GRIA2: variants seen among roughly 807,000 people sequenced by gnomAD.
GRIA2 encodes the protein glutamate receptor 2.
A neutral mutation model predicts 97.3 loss-of-function variants in GRIA2; 14 were observed. The ratio of observed to expected loss-of-function variants is 0.14; its 90% CI spans 0.10 to 0.23. GRIA2 has a LOEUF of 0.23. Among genes scored for constraint, GRIA2 ranks in the 10% least tolerant of loss-of-function variants. GRIA2 has a pLI of 1.00. For synonymous variants in GRIA2, 412 were observed against 387.8 expected, an observed-to-expected ratio of 1.06 and a Z score of -0.73; for missense variants, 558 against 1,069.8, an observed-to-expected ratio of 0.52 and a Z score of 6.67.
intron 2 of GRIA2, among the ~76,000 whole-genome samples, chr4:157,277,890 GTATA>G (rs559433961): frequency 5.3e-5 from 4 of 75,654 alleles, no homozygotes; most frequent in Admixed American, 2.2e-4. Flanking sequence ...ATGTATATAT[GTATA>G]TATATATGTA....
At chr4:157,349,873 C>G (rs544757893) in intron 12 of GRIA2, among the ~76,000 whole-genome samples, 1 of 152,240 alleles carries the variant, frequency 6.6e-6, no homozygotes, top group South Asian at 2.1e-4. Context: ...CCAACTCTCA[C>G]ATTGCAGATA....
At chr4:157,308,309 C>T (rs918221700) in intron 3 of GRIA2, among the ~76,000 whole-genome samples, 4 of 152,112 alleles carry the variant, frequency 2.6e-5, no homozygotes, top group African/African-American at 9.7e-5. Flanking sequence ...ACAACTACAA[C>T]CAGTCAGTAA....
chr4:157,359,067 C>A (rs888263393), intron 12 of GRIA2, among the ~76,000 whole-genome samples: 2 of 152,124 alleles, frequency 1.3e-5, no homozygotes, highest in Admixed American at 1.3e-4. Flanking sequence ...AGCAGACATT[C>A]AAATGCTTTG....
At chr4:157,344,173 G>T (rs1406788202) in intron 12 of GRIA2, among the ~76,000 whole-genome samples, 1 of 152,014 alleles carries the variant, frequency 6.6e-6, no homozygotes, top group African/African-American at 2.4e-5. Flanking sequence ...AAAAATATTT[G>T]ATTTTCATTA....
chr4:157,312,951 G>A (rs1165485085), intron 4 of GRIA2, 76 bp downstream of exon 4: 3 of 856,096 alleles, frequency 3.5e-6, no homozygotes, highest in Admixed American at 5.2e-5. Context: ...ATGTGTATTT[G>A]TGTAAGGTGC....
At position 157,332,850 on chromosome 4, in the gene GRIA2, A is replaced by T; in HGVS notation, c.914A>T (p.Gln305Leu). The T allele has an allele frequency of 6.2e-7, 1 of 1,612,664 alleles. No individual in the cohort carries two copies. The highest frequency in any genetic ancestry group is 8.5e-7 in the Non-Finnish European group (1 of 1,178,940). The stretch of plus-strand genomic sequence containing the variant: ...TCTGCTCTGACCTATGATGCCGTTC[A>T]AGTGATGACTGAAGCCTTCCGCAAC... Reference protein sequence around the residue: ...YTSALTYDAVQVMTEAFRNLR... With the variant: ...YTSALTYDAVLVMTEAFRNLR... The change falls in exon 7 of 16, where the codon CAA (glutamine) becomes CTA (leucine). Residue 305 changes from glutamine (Q) to leucine (L), a missense_variant. Gln to Leu is a moderately radical substitution (Grantham distance 113). Around this residue, in one of 8 missense-constraint regions of GRIA2, gnomAD observed 173 missense variants for 209.1 expected, o/e 0.83. Transcript: ENST00000264426.
At position 157,297,825 on chromosome 4, in the gene GRIA2, G is replaced by A. The variant is rs566630168; in HGVS notation, c.230-5727G>A. Among the ~76,000 whole-genome samples, 4 of 151,822 alleles carry A rather than the reference G, an allele frequency of 2.6e-5. 1 individual carries two copies. Among genetic ancestry groups the A allele is most frequent in the African/African-American group, 7.2e-5 (3 of 41,412 alleles). ...AAAGCTCACACATGAGTTCATGAAAGAATTGAATATTTTTAATTAAAAATT... is the reference window on the plus strand; with the variant it reads ...AAAGCTCACACATGAGTTCATGAAAAAATTGAATATTTTTAATTAAAAATT... On this transcript the variant is annotated intron_variant, in intron 2 of 15. Transcript: ENST00000264426.
intron 11 of GRIA2, among the ~76,000 whole-genome samples, 191 bp downstream of exon 11, chr4:157,336,938 C>T (rs1002545334): frequency 6.6e-6 from 1 of 152,066 alleles, no homozygotes; most frequent in African/African-American, 2.4e-5. Flanking sequence ...TTGAATGTTG[C>T]TCATCTATTT....
In GRIA2 at chr4:157,223,172, T is replaced by A. The variant is rs181710137; in HGVS notation, c.229+1365T>A. Among the ~76,000 whole-genome samples the A allele has an allele frequency of 3.1e-3, 470 of 152,290 alleles. 1 individual carries two copies. The highest frequency in any genetic ancestry group is 4.8e-3 in the Non-Finnish European group (326 of 68,022). On this transcript the variant is annotated intron_variant, in intron 2 of 15. Transcript: ENST00000264426. ...AAGCTTTAGTCATATATTCCGTGAT[T>A]TAGCTTGATTATCATATTGGGCCCA...
rs1180198805 is a variant in GRIA2, at chr4:157,362,316, A to G, written c.2407-483A>G. On this transcript the variant is annotated intron_variant, in intron 14 of 15. Coordinates refer to ENST00000264426, the MANE Select transcript of GRIA2 (RefSeq NM_001083619.3). ...CATCTTAGTACTTTGAGGGATTGGA[A>G]ATGTGGTCAGTCCTCCATTTATGAC... 8 of 448,024 alleles carry G rather than the reference A, an allele frequency of 1.8e-5. No homozygotes were observed. In the East Asian group the frequency reaches 5.6e-4, roughly 31 times the overall value. 27.8% of individuals were successfully genotyped at this position (448,024 alleles called of 1,614,324 possible). A position where few individuals can be genotyped will look rare whatever the true frequency, so the allele number is the denominator to read the frequency against.
chr4:157,360,025 T>C lies in GRIA2; in HGVS notation c.2173T>C (p.Leu725=), dbSNP rs562250284. The part of the protein sequence containing the change: ...RKSKGKYAYL[L]ESTMNEYIEQ... ...GTCCAAAGGGAAATATGCCTACTTG[T>C]TGGAGTCCACGATGAACGAGTACAT... Residue 725 remains leucine (L), a synonymous_variant, in exon 13 of 16, where the codon TTG becomes CTG. Coordinates refer to ENST00000264426, the MANE Select transcript of GRIA2 (RefSeq NM_001083619.3). The C allele has an allele frequency of 4.5e-5, 73 of 1,613,954 alleles. No individual in the cohort carries two copies. The South Asian group carries it at 4.9e-4, about 11-fold the overall frequency.
chr4:157,357,515 T>C (rs1736443834), intron 12 of GRIA2, among the ~76,000 whole-genome samples: 1 of 152,168 alleles, frequency 6.6e-6, no homozygotes, highest in Admixed American at 6.6e-5. Context: ...TGATTCAGTA[T>C]CATCAATGTG....
At chr4:157,363,085 G>C in intron 15 of GRIA2, 38 bp downstream of exon 15, 1 of 1,566,330 alleles carries the variant, frequency 6.4e-7, no homozygotes, top group Non-Finnish European at 8.7e-7. Flanking sequence ...TTTAGTGCAC[G>C]TTTAGCTTTC....
At chr4:157,229,139 G>C (rs1270839737) in intron 2 of GRIA2, among the ~76,000 whole-genome samples, 1 of 152,074 alleles carries the variant, frequency 6.6e-6, no homozygotes, top group Admixed American at 6.5e-5. Flanking sequence ...AGAAGTTTCT[G>C]GACATAGTTT....
chr4:157,302,955 T>A (rs910296261), intron 2 of GRIA2, among the ~76,000 whole-genome samples: 2 of 152,180 alleles, frequency 1.3e-5, no homozygotes, highest in Non-Finnish European at 2.9e-5. Context: ...ATGGGGAAGA[T>A]TAAAATGCAA....
intron 2 of GRIA2, among the ~76,000 whole-genome samples, chr4:157,272,886 TA>T (rs1264466462): frequency 5.9e-5 from 9 of 152,034 alleles, no homozygotes; most frequent in Admixed American, 2.0e-4. Context: ...ACAGGCTCAC[TA>T]AAAGATGGAG....
At chr4:157,285,557 T>TTGTG (rs149477258) in intron 2 of GRIA2, among the ~76,000 whole-genome samples, 75 of 147,326 alleles carry the variant, frequency 5.1e-4, no homozygotes, top group Admixed American at 1.0e-3. Context: ...CCTATAATAT[T>TTGTG]TGTGTGTGTG....
chr4:157,249,953 A>G (rs931260479), intron 2 of GRIA2: 1 of 152,120 alleles, frequency 6.6e-6, no homozygotes, highest in Non-Finnish European at 1.5e-5. Context: ...TTTCTCTAGT[A>G]AAAGCAATTA....
At chr4:157,273,295 T>C (rs577105028) in intron 2 of GRIA2, among the ~76,000 whole-genome samples, 2 of 152,116 alleles carry the variant, frequency 1.3e-5, no homozygotes, top group South Asian at 2.1e-4. Context: ...TGGAGAACTA[T>C]ATTTACGGTG....
Sources: gnomAD v4.1 joint callset for allele counts (sites outside exome capture counted in the v4.1 genomes callset) on GRCh38, gnomAD v4.1.1 for gene constraint, gnomAD v4.1.1 regional missense constraint, MANE v1.5 for transcripts, NCBI Gene and HGNC (gene_info 2026-07-23, HGNC 2026-07-21) for gene names.